SETX: variants seen among roughly 807,000 people sequenced by gnomAD.
The protein encoded by SETX is helicase senataxin.
SETX carries 90 observed loss-of-function variants against 227.2 expected under a neutral mutation model. The observed-to-expected ratio is 0.40, with a 90% CI of 0.33 to 0.47. SETX has a LOEUF of 0.47. Ranked by LOEUF, SETX falls within the 20% of genes least tolerant of loss-of-function variation. The probability of loss-of-function intolerance (pLI) is 0.91; values close to 1 mark genes in which losing one functional copy is unlikely to be tolerated. For synonymous variants in SETX, 1,210 were observed against 1,113.2 expected (o/e 1.09, Z -1.73); for missense variants, 3,052 against 3,181.5 (o/e 0.96, Z 0.98).
chr9:132,348,252 G>A (rs1391519450), intron 3 of SETX, among the ~76,000 whole-genome samples: 1 of 151,060 alleles, frequency 6.6e-6, no homozygotes, highest in Non-Finnish European at 1.5e-5. Flanking sequence ...CCAGCTACTT[G>A]GGAGGCTGAG....
intron 5 of SETX, among the ~76,000 whole-genome samples, chr9:132,337,699 G>A (rs916950494): frequency 7.2e-5 from 11 of 152,178 alleles, no homozygotes; most frequent in African/African-American, 2.7e-4. Context: ...AAGGGGAAAA[G>A]ACTCTTGATT....
intron 7 of SETX, among the ~76,000 whole-genome samples, chr9:132,333,602 G>C (rs1847406245): frequency 6.6e-6 from 1 of 151,684 alleles, no homozygotes; most frequent in Non-Finnish European, 1.5e-5. Context: ...TGGTATACTT[G>C]GTCTTTATTA....
chr9:132,323,256 C>G (rs183702070), intron 10 of SETX, among the ~76,000 whole-genome samples: 4 of 152,210 alleles, frequency 2.6e-5, no homozygotes, highest in African/African-American at 9.6e-5. Context: ...ACTAACGTAC[C>G]TGATCATGAG....
rs762425896 is a variant in SETX, at chr9:132,281,467, C to T, written c.6654G>A (p.Met2218Ile). The T allele has an allele frequency of 6.2e-7, 1 of 1,609,384 alleles. No individual in the cohort carries two copies. The highest frequency in any genetic ancestry group is 1.1e-5 in the South Asian group (1 of 90,970). ...PKQLPPTVIS[M>I]KAQEYGYDQS... ...AGCAATCTGAACATAAAAAACTTAC[C>T]ATAGAGATGACTGTCGGAGGGAGCT... The change falls in exon 20 of 26, where the codon ATG (methionine) becomes ATA (isoleucine). Residue 2218 changes from methionine to isoleucine, a missense_variant and splice_region_variant. Coordinates refer to ENST00000224140, the MANE Select transcript of SETX (RefSeq NM_015046.7).
chr9:132,343,061 T>A (rs556546861), intron 4 of SETX, among the ~76,000 whole-genome samples: 3 of 152,338 alleles, frequency 2.0e-5, no homozygotes, highest in South Asian at 4.1e-4. Flanking sequence ...GGCTCACACC[T>A]GTAATCCCAG....
In SETX at chr9:132,264,312, C is replaced by T. The variant is rs1842516386; in HGVS notation, c.7961G>A (p.Arg2654Lys). 3 of 1,614,198 alleles carry T rather than the reference C, an allele frequency of 1.9e-6. No homozygotes were observed. Among genetic ancestry groups the T allele is most frequent in the South Asian group, 1.1e-5 (1 of 91,088 alleles). ...EKCGSETHHT[R>K]RNSRWDKRTL... Reference sequence around the variant, plus strand: ...CCTCTTGTCCCACCTAGAGTTCCTCCTGGTGTGATGGGTCTCGGAACCACA... The same window carrying T: ...CCTCTTGTCCCACCTAGAGTTCCTCTTGGTGTGATGGGTCTCGGAACCACA... Residue 2654 changes from arginine (R) to lysine (K), a missense_variant, in exon 26 of 26, where the codon AGG becomes AAG. Arg to Lys is a conservative substitution (Grantham distance 26). Transcript: ENST00000224140.
chr9:132,268,294 T>C (rs1035727890), intron 25 of SETX, among the ~76,000 whole-genome samples: 1 of 152,186 alleles, frequency 6.6e-6, no homozygotes, highest in Non-Finnish European at 1.5e-5. Context: ...TGGGATGACT[T>C]TAGCCCAGGA....
chr9:132,269,445 A>G, intron 25 of SETX, 170 bp downstream of exon 25: 5 of 1,580,370 alleles, frequency 3.2e-6, no homozygotes, highest in South Asian at 1.1e-5. Flanking sequence ...GGCTGAAAAA[A>G]GGCGAATGGT....
intron 15 of SETX, among the ~76,000 whole-genome samples, chr9:132,292,041 A>G (rs1844348533): frequency 6.6e-6 from 1 of 152,190 alleles, no homozygotes; most frequent in Admixed American, 6.5e-5. Context: ...TAGATAAAAT[A>G]ATTTTAAAAT....
At chr9:132,287,387 C>CT (rs1254895058) in intron 17 of SETX, among the ~76,000 whole-genome samples, 6 of 152,258 alleles carry the variant, frequency 3.9e-5, no homozygotes, top group Middle Eastern at 3.4e-3. Flanking sequence ...ACTCAAGAGG[C>CT]TGAGGCAGAA....
At chr9:132,309,304 G>A (rs1845509775) in intron 11 of SETX, among the ~76,000 whole-genome samples, 2 of 152,002 alleles carry the variant, frequency 1.3e-5, no homozygotes, top group Non-Finnish European at 2.9e-5. Context: ...GACTCCAGAC[G>A]CATGACAAAC....
At chr9:132,281,288 C>A (rs940544493) in intron 20 of SETX, among the ~76,000 whole-genome samples, 179 bp downstream of exon 20, 1 of 152,178 alleles carries the variant, frequency 6.6e-6, no homozygotes, top group Non-Finnish European at 1.5e-5. Flanking sequence ...ACAACTATGA[C>A]CAAATGGACA....
chr9:132,354,495 CAAAAAA>C (rs11316762), intron 1 of SETX, among the ~76,000 whole-genome samples: 1 of 85,528 alleles, frequency 1.2e-5, no homozygotes, highest in Non-Finnish European at 2.4e-5. Context: ...GACCCCGTCT[CAAAAAA>C]AAAAAAAAAA....
upstream of SETX, among the ~76,000 whole-genome samples, chr9:132,355,310 A>G (rs1299096746): frequency 6.6e-6 from 1 of 152,166 alleles, no homozygotes. Flanking sequence ...GGGTGGGGTC[A>G]GCCCTTACCC....
At chr9:132,295,574 G>A (rs1282971317) in intron 15 of SETX, among the ~76,000 whole-genome samples, 1 of 152,180 alleles carries the variant, frequency 6.6e-6, no homozygotes, top group Admixed American at 6.5e-5. Context: ...CCCCTAAGGT[G>A]TGTGGAACAC....
intron 22 of SETX, among the ~76,000 whole-genome samples, chr9:132,275,842 A>G (rs935670880): frequency 1.3e-5 from 2 of 152,126 alleles, no homozygotes; most frequent in East Asian, 1.9e-4. Flanking sequence ...AATGCTTTAC[A>G]TGTATGATCT....
At chr9:132,311,654 A>G (rs1845665302) in intron 11 of SETX, 103 bp downstream of exon 11, 2 of 798,162 alleles carry the variant, frequency 2.5e-6, no homozygotes, top group Non-Finnish European at 4.2e-6. Context: ...AATTTAGCTT[A>G]GAAAATTTGT....
chr9:132,332,685 G>A (rs1589752831), intron 7 of SETX, among the ~76,000 whole-genome samples: 4 of 152,324 alleles, frequency 2.6e-5, no homozygotes, highest in African/African-American at 9.6e-5. Context: ...ACTTTGGGAG[G>A]CCGAGGCAGG....
At chr9:132,305,887 C>T (rs10114359) in intron 11 of SETX, among the ~76,000 whole-genome samples, 37,950 of 151,868 alleles carry the variant, frequency 0.25, 6,013 homozygotes, top group East Asian at 0.67. Context: ...AGCTCTTAGT[C>T]TACACCAACA....
Sources: allele counts gnomAD v4.1 joint callset (sites outside exome capture counted in the v4.1 genomes callset), GRCh38; gene constraint gnomAD v4.1.1; transcripts MANE v1.5; gene names NCBI Gene and HGNC (gene_info 2026-07-23, HGNC 2026-07-21).